Variants in WDR11 observed in about 807,000 individuals in gnomAD.
WDR11 encodes the protein WD repeat-containing protein 11.
A neutral mutation model predicts 151.2 loss-of-function variants in WDR11; 83 were observed. That is an observed-to-expected ratio of 0.55 (90% confidence interval 0.46 to 0.66). WDR11 has a LOEUF of 0.66. Among genes scored for constraint, WDR11 ranks in the 30% least tolerant of loss-of-function variants. The pLI is 0.00. For synonymous variants in WDR11, 484 were observed against 533.1 expected (o/e 0.91, Z 1.27); for missense variants, 1,301 against 1,480.9 (o/e 0.88, Z 1.99).
At chr10:120,885,298 C>T (rs998266503) in intron 14 of WDR11, among the ~76,000 whole-genome samples, 4 of 151,924 alleles carry the variant, frequency 2.6e-5, no homozygotes, top group Admixed American at 6.6e-5. Context: ...CACACACACA[C>T]ACACACACAC....
chr10:120,851,677 A>AT (rs1845779199), intron 1 of WDR11, 171 bp downstream of exon 1: 1 of 721,454 alleles, frequency 1.4e-6, no homozygotes. Flanking sequence ...TACAAAAGTG[A>AT]TAATAGCCCC....
chr10:120,875,715 G>A (rs1024302830), intron 11 of WDR11, among the ~76,000 whole-genome samples: 2 of 151,946 alleles, frequency 1.3e-5, no homozygotes, highest in African/African-American at 2.4e-5. Flanking sequence ...ATGTTGGCCA[G>A]GCTGATGTTG....
chr10:120,884,378 C>T (rs1332306756), intron 14 of WDR11, among the ~76,000 whole-genome samples: 3 of 152,040 alleles, frequency 2.0e-5, no homozygotes, highest in Non-Finnish European at 2.9e-5. Context: ...TAAAGTAGCA[C>T]AAATCAAAGA....
chr10:120,891,635 T>C (rs952581760), intron 19 of WDR11, among the ~76,000 whole-genome samples: 6 of 152,236 alleles, frequency 3.9e-5, no homozygotes, highest in African/African-American at 1.4e-4. Flanking sequence ...GTGCACACTC[T>C]AGGCTGATAT....
intron 28 of WDR11, chr10:120,908,118 C>CT (rs1179819378): frequency 2.9e-5 from 6 of 206,536 alleles, no homozygotes; most frequent in Non-Finnish European, 5.9e-5. Flanking sequence ...TAGGACAGGG[C>CT]TTTCTAAAAA....
chr10:120,862,562 A>G (rs1846179220), intron 4 of WDR11, 173 bp from the exon 5 acceptor site: 1 of 661,220 alleles, frequency 1.5e-6, no homozygotes, highest in African/African-American at 1.8e-5. Context: ...ATTGTAATGG[A>G]CCACCTGTTT....
intron 12 of WDR11, chr10:120,879,773 G>A (rs556136035): frequency 3.3e-5 from 5 of 152,210 alleles, no homozygotes; most frequent in African/African-American, 1.2e-4. Flanking sequence ...TCCACATGAT[G>A]GAATCTCAAC....
Position 120,867,143 on chromosome 10 carries a change from C to T in WDR11, c.1268C>T (p.Pro423Leu). 6.2e-7 allele frequency: 1 copy of T among 1,613,748 alleles called. No individual in the cohort carries two copies. Among genetic ancestry groups the T allele is most frequent in the South Asian group, 1.1e-5 (1 of 91,072 alleles). The change falls in exon 9 of 29, where the codon CCA becomes CTA. Residue 423 changes from proline to leucine, a missense_variant. Around this residue, in one of 3 missense-constraint regions of WDR11, gnomAD observed 692 missense variants for 762.5 expected, o/e 0.91. Transcript: ENST00000263461. ...GTAGGAGTGCTACAGAATAAACTCC[C>T]AGACCTTTCCTTAGATAACATGATT... ...IPVGVLQNKLPDLSLDNMIGQ... is the reference protein window; with the variant it reads ...IPVGVLQNKLLDLSLDNMIGQ...
At chr10:120,902,125 C>A in intron 21 of WDR11, 132 bp from the exon 22 acceptor site, 1 of 792,254 alleles carries the variant, frequency 1.3e-6, no homozygotes, top group South Asian at 1.5e-5. Flanking sequence ...TGGTAAAGTA[C>A]CTTGTCTTGT....
chr10:120,864,990 T>C (rs1436124687), intron 5 of WDR11, 57 bp from the exon 6 acceptor site: 7 of 1,571,566 alleles, frequency 4.5e-6, no homozygotes, highest in South Asian at 3.3e-5. Flanking sequence ...ATTAAATCTT[T>C]TATTAGGTCT....
At position 120,904,094 on chromosome 10, in the gene WDR11, T is replaced by C. The variant is rs775254086; in HGVS notation, c.2979T>C (p.Thr993=). Residue 993 remains threonine (T), a synonymous_variant, in exon 24 of 29, where the codon ACT becomes ACC. Transcript: ENST00000263461. The part of the protein sequence containing the change: ...RVNLQEVKRS[T]YDHTRKCTDQ... Reference sequence around the variant, plus strand: ...ATCTGCAGGAAGTGAAACGGTCAACTTATGATCATACAAGGAAATGTACAG... The same window carrying C: ...ATCTGCAGGAAGTGAAACGGTCAACCTATGATCATACAAGGAAATGTACAG... 6.2e-7 allele frequency: 1 copy of C among 1,613,680 alleles called. No homozygotes were observed. Among genetic ancestry groups the C allele is most frequent in the South Asian group, 1.1e-5 (1 of 91,080 alleles).
At chr10:120,874,467 T>C (rs1419647856) in intron 11 of WDR11, among the ~76,000 whole-genome samples, 3 of 152,130 alleles carry the variant, frequency 2.0e-5, no homozygotes, top group Admixed American at 6.5e-5. Flanking sequence ...TAGTTATACA[T>C]GTGCCTTGGT....
rs1488828679 is a variant in WDR11, at chr10:120,871,233, A to G, written c.1358A>G (p.Lys453Arg). Reference protein sequence around the residue: ...RGSILREVHLKFLLTGLLSGL... With the variant: ...RGSILREVHLRFLLTGLLSGL... ...TCAATTCTGCGGGAAGTGCACCTCA[A>G]GTTCCTGCTGACGGGACTGCTTTCA... is the stretch of plus-strand genomic sequence containing the variant. The change falls in exon 10 of 29, where the codon AAG (lysine) becomes AGG (arginine). Residue 453 changes from lysine to arginine, a missense_variant. By Grantham distance (26) the Lys-to-Arg change is conservative. Around this residue, in one of 3 missense-constraint regions of WDR11, gnomAD observed 692 missense variants for 762.5 expected, o/e 0.91. Transcript: ENST00000263461. 1 of 1,614,194 alleles carries G rather than the reference A, an allele frequency of 6.2e-7. No individual in the cohort carries two copies. The highest frequency in any genetic ancestry group is 1.1e-5 in the South Asian group (1 of 91,082).
At position 120,889,971 on chromosome 10, in the gene WDR11, A is replaced by G. The variant is rs61761620; in HGVS notation, c.2305A>G (p.Met769Val). The change falls in exon 18 of 29, where the codon ATG becomes GTG. Residue 769 changes from methionine (M) to valine (V), a missense_variant. Met to Val is a conservative substitution (Grantham distance 21, BLOSUM62 1). This residue lies in a region of WDR11 where 589 missense variants were observed against 670.6 expected (regional missense o/e 0.88). Coordinates refer to ENST00000263461, the MANE Select transcript of WDR11 (RefSeq NM_018117.12). ...PGKGNQKLIAMYNDGAEVWDT... is the reference protein window; with the variant it reads ...PGKGNQKLIAVYNDGAEVWDT... ...TAAAGGAAATCAAAAATTAATAGCAATGTACAATGATGGAGCTGAAGTGTG... is the reference window on the plus strand; with the variant it reads ...TAAAGGAAATCAAAAATTAATAGCAGTGTACAATGATGGAGCTGAAGTGTG... 9.1e-4 allele frequency: 1,468 copies of G among 1,613,908 alleles called. 1 individual carries two copies. Among genetic ancestry groups the G allele is most frequent in the Non-Finnish European group, 1.2e-3 (1,366 of 1,179,832 alleles).
intron 16 of WDR11, 131 bp downstream of exon 16, chr10:120,886,967 A>G: frequency 1.0e-6 from 1 of 995,616 alleles, no homozygotes; most frequent in South Asian, 1.4e-5. Context: ...AGGAGATATT[A>G]TCGATTAAAC....
Position 120,900,071 on chromosome 10 carries a change from T to A in WDR11, c.2558T>A (p.Leu853His). ...TATCTCCTTGTTCCAAGGGCCTCTC[T>A]TGCCTTGAAAGCCTTCTTATTACAC... ...CPYLLVPRAS[L>H]ALKAFLLHQP... Residue 853 changes from leucine to histidine, a missense_variant, in exon 20 of 29, where the codon CTT becomes CAT. By Grantham distance (99) the Leu-to-His change is moderately conservative. Around this residue, in one of 3 missense-constraint regions of WDR11, gnomAD observed 589 missense variants for 670.6 expected, o/e 0.88. Coordinates refer to ENST00000263461, the MANE Select transcript of WDR11 (RefSeq NM_018117.12). The A allele has an allele frequency of 6.2e-7, 1 of 1,614,174 alleles. No homozygotes were observed.
At chr10:120,856,903 T>A (rs753504379) in intron 2 of WDR11, among the ~76,000 whole-genome samples, 3 of 152,160 alleles carry the variant, frequency 2.0e-5, no homozygotes, top group Admixed American at 6.5e-5. Flanking sequence ...ATACTGAAAC[T>A]TTGTTTGCTC....
chr10:120,852,701 A>G, intron 2 of WDR11, 66 bp downstream of exon 2: 4 of 1,335,264 alleles, frequency 3.0e-6, no homozygotes, highest in Non-Finnish European at 4.3e-6. Flanking sequence ...GTGTATCACT[A>G]AGCTCTCATT....
chr10:120,895,151 C>T (rs563748967), intron 19 of WDR11, among the ~76,000 whole-genome samples: 1 of 152,134 alleles, frequency 6.6e-6, no homozygotes, highest in African/African-American at 2.4e-5. Flanking sequence ...TAAGAAATTA[C>T]CACACAGCAT....
Sources: allele counts gnomAD v4.1 joint callset (sites outside exome capture counted in the v4.1 genomes callset), GRCh38; gene constraint gnomAD v4.1.1; regional missense constraint gnomAD v4.1.1; transcripts MANE v1.5; gene names NCBI Gene and HGNC (gene_info 2026-07-23, HGNC 2026-07-21).